TUBA4B: variants seen among roughly 807,000 people sequenced by gnomAD.
TUBA4B encodes the protein tubulin alpha 4b.
A neutral mutation model predicts 18.4 loss-of-function variants in TUBA4B; 13 were observed. That is an observed-to-expected ratio of 0.71 (90% CI 0.46 to 1.12). TUBA4B has a LOEUF of 1.12. Among genes scored for constraint, TUBA4B ranks in the 50% most tolerant of loss-of-function variants. The probability of loss-of-function intolerance (pLI) is 0.00; values close to 1 mark genes in which losing one functional copy is unlikely to be tolerated. For synonymous variants in TUBA4B, 101 were observed against 99.1 expected (o/e 1.02, Z -0.11); for missense variants, 244 against 250.0 (o/e 0.98, Z 0.16).
intron 1 of TUBA4B, among the ~76,000 whole-genome samples, chr2:219,260,457 C>T (rs749243857): frequency 4.6e-5 from 7 of 152,140 alleles, no homozygotes; most frequent in African/African-American, 1.2e-4. Context: ...TATATGCTGA[C>T]GACTCAAATT....
chr2:219,267,443 G>A (rs556587807), intron 2 of TUBA4B, among the ~76,000 whole-genome samples: 2 of 152,294 alleles, frequency 1.3e-5, no homozygotes, highest in African/African-American at 2.4e-5. Flanking sequence ...ACAGGCCGCC[G>A]GCTATGAGAT....
Position 219,271,261 on chromosome 2 carries a change from T to G in TUBA4B, c.288T>G (p.Leu96=), listed in dbSNP as rs199671156. The G allele has an allele frequency of 7.0e-7, 1 of 1,428,428 alleles. No individual in the cohort carries two copies. Among genetic ancestry groups the G allele is most frequent in the Non-Finnish European group, 9.9e-7 (1 of 1,010,998 alleles). The allele number at this position is 1,428,428 out of a possible 1,614,324, so 88.5% of individuals were successfully genotyped here. Residue 96 remains leucine (L), a synonymous_variant, in exon 4 of 4, where the codon CTT becomes CTG. Transcript: ENST00000490341. ...TCACCTCATTCCTGATGGAGTGGCT[T>G]TCTGTTAACTATGGCAAGAAATCCA... ...SDVTSFLMEW[L]SVNYGKKSKL...
chr2:219,253,255 C>T lies in TUBA4B; in HGVS notation c.-153C>T. On this transcript the variant is annotated 5_prime_UTR_variant, in exon 1 of 4. Transcript: ENST00000490341. ...CTCAGCGCCAGCTGTCTCTGCCCAT[C>T]CGCGCACCCGGGCTTCGGCTGGAGA... The T allele has an allele frequency of 6.7e-7, 1 of 1,493,282 alleles. No individual in the cohort carries two copies. The highest frequency in any genetic ancestry group is 2.1e-5 in the Admixed American group (1 of 47,094). The allele number at this position is 1,493,282 out of a possible 1,614,324, so 92.5% of individuals were successfully genotyped here.
chr2:219,260,048 T>A (rs982322953), intron 1 of TUBA4B, among the ~76,000 whole-genome samples: 2 of 152,190 alleles, frequency 1.3e-5, no homozygotes, highest in African/African-American at 4.8e-5. Flanking sequence ...TTTCTCATGG[T>A]CGATTCTTCT....
chr2:219,257,556 C>A (rs1480190098), intron 1 of TUBA4B, among the ~76,000 whole-genome samples: 1 of 141,684 alleles, frequency 7.1e-6, no homozygotes, highest in Non-Finnish European at 1.5e-5. Flanking sequence ...GCAGGAGAAT[C>A]GTGTGAACCT....
chr2:219,253,942 C>CT, intron 1 of TUBA4B: 1 of 1,017,242 alleles, frequency 9.8e-7, no homozygotes, highest in Non-Finnish European at 1.3e-6. Flanking sequence ...CCGCACCGCC[C>CT]TTATAGGCGG....
At chr2:219,259,984 A>G (rs1244833829) in intron 1 of TUBA4B, among the ~76,000 whole-genome samples, 1 of 152,142 alleles carries the variant, frequency 6.6e-6, no homozygotes, top group Non-Finnish European at 1.5e-5. Flanking sequence ...CCTCTTGCCA[A>G]ATCCAAAGGC....
chr2:219,255,153 C>T (rs1951707329), intron 1 of TUBA4B, among the ~76,000 whole-genome samples: 1 of 152,208 alleles, frequency 6.6e-6, no homozygotes, highest in Admixed American at 6.5e-5. Context: ...CGGCTCAAGG[C>T]CATCCTTCTA....
Position 219,253,289 on chromosome 2 carries a change from T to A in TUBA4B, c.-119T>A, listed in dbSNP as rs1024853161. The A allele has an allele frequency of 6.6e-7, 1 of 1,508,004 alleles. No homozygotes were observed. The allele number at this position is 1,508,004 out of a possible 1,614,324, so 93.4% of individuals were successfully genotyped here. On this transcript the variant is annotated 5_prime_UTR_variant, in exon 1 of 4. Coordinates refer to ENST00000490341, the MANE Select transcript of TUBA4B (RefSeq NM_001355221.1). ...CGGGCTTCGGCTGGAGAGGGCCAGC[T>A]CGCTTCAGGAGGCCGAACCCCGTTC...
intron 3 of TUBA4B, 135 bp downstream of exon 3, chr2:219,270,470 G>A: frequency 1.6e-6 from 1 of 620,274 alleles, no homozygotes; most frequent in Non-Finnish European, 2.9e-6. Context: ...AATGAGGAGA[G>A]GCCCTGCACT....
chr2:219,254,207 G>A, intron 1 of TUBA4B: 1 of 250,704 alleles, frequency 4.0e-6, no homozygotes, highest in Non-Finnish European at 7.6e-6. Flanking sequence ...TGCTGTGGCA[G>A]GGCGAGTCTC....
intron 2 of TUBA4B, among the ~76,000 whole-genome samples, chr2:219,269,706 T>C (rs569782872): frequency 6.6e-6 from 1 of 152,252 alleles, no homozygotes; most frequent in East Asian, 1.9e-4. Flanking sequence ...GCCTGGAACA[T>C]AGGATTCAGT....
intron 1 of TUBA4B, chr2:219,254,589 G>T (rs1030865990): frequency 3.3e-5 from 5 of 152,280 alleles, no homozygotes; most frequent in African/African-American, 1.2e-4. Context: ...GGCCGCCCGC[G>T]GGTCAGTGGC....
chr2:219,270,539 A>T (rs1159262103), intron 3 of TUBA4B, among the ~76,000 whole-genome samples: 1 of 152,108 alleles, frequency 6.6e-6, no homozygotes, highest in Non-Finnish European at 1.5e-5. Flanking sequence ...GTATCTCCGA[A>T]GTGGCTGGCC....
At chr2:219,265,437 G>C (rs566501324) in intron 1 of TUBA4B, among the ~76,000 whole-genome samples, 1 of 152,318 alleles carries the variant, frequency 6.6e-6, no homozygotes, top group African/African-American at 2.4e-5. Context: ...AGGAGTTTGA[G>C]ACCAGCCTGG....
Position 219,271,956 on chromosome 2 carries a change from C to T in TUBA4B, c.*257C>T, listed in dbSNP as rs140859756. ...GACAGCCATCACTATGGCCTGGGCC[C>T]GCCTGGACCACAAGTTTGACCTGAT... is the stretch of plus-strand genomic sequence containing the variant. On this transcript the variant is annotated 3_prime_UTR_variant, in exon 4 of 4. Transcript: ENST00000490341. 2.3e-4 allele frequency: 352 copies of T among 1,521,638 alleles called. 4 individuals are homozygous for T. In the East Asian group the frequency reaches 3.5e-3, roughly 15 times the overall value. The allele number at this position is 1,521,638 out of a possible 1,614,324, so 94.3% of individuals were successfully genotyped here. A position where few individuals can be genotyped will look rare whatever the true frequency, so the allele number is the denominator to read the frequency against.
At chr2:219,254,010 C>T in intron 1 of TUBA4B, 1 of 753,542 alleles carries the variant, frequency 1.3e-6, no homozygotes, top group Non-Finnish European at 2.0e-6. Context: ...GGCCCGCAGG[C>T]CACGCCTCCC....
Position 219,270,985 on chromosome 2 carries a change from G to C in TUBA4B, c.193-181G>C, listed in dbSNP as rs78338024. On this transcript the variant is annotated intron_variant, in intron 3 of 3. Coordinates refer to ENST00000490341, the MANE Select transcript of TUBA4B (RefSeq NM_001355221.1). ...GGCCTCAGGAGATTTCAGAGGAAGA[G>C]GGACAGGGAGGAGAAAGGGTGGGCC... Among the ~76,000 whole-genome samples the C allele has an allele frequency of 3.0e-3, 453 of 152,272 alleles. 1 individual carries two copies. The highest frequency in any genetic ancestry group is 0.01 in the African/African-American group (429 of 41,556).
intron 1 of TUBA4B, among the ~76,000 whole-genome samples, chr2:219,266,003 A>T (rs1409153191): frequency 6.6e-6 from 1 of 152,222 alleles, no homozygotes; most frequent in Non-Finnish European, 1.5e-5. Flanking sequence ...CGCTTGTTCT[A>T]TGATATTCTG....
Sources: allele counts gnomAD v4.1 joint callset (sites outside exome capture counted in the v4.1 genomes callset), GRCh38; gene constraint gnomAD v4.1.1; transcripts MANE v1.5; gene names NCBI Gene and HGNC (gene_info 2026-07-23, HGNC 2026-07-21).